Variants in SYNE1 observed in about 807,000 individuals in gnomAD.
SYNE1 encodes the protein nesprin-1.
SYNE1 carries 616 observed loss-of-function variants against 1,111.0 expected under a neutral mutation model. The observed-to-expected ratio is 0.55, with a 90% CI of 0.52 to 0.59. The LOEUF is 0.59. Among genes scored for constraint, SYNE1 ranks in the 20% least tolerant of loss-of-function variants. SYNE1 has a pLI of 0.00. For synonymous variants in SYNE1, 3,855 were observed against 3,825.8 expected (o/e 1.01, Z -0.28); for missense variants, 10,006 against 10,417.0 (o/e 0.96, Z 1.72).
intron 3 of SYNE1, among the ~76,000 whole-genome samples, chr6:152,586,655 TACACACAC>T (rs10530898): frequency 5.9e-4 from 88 of 149,476 alleles, no homozygotes; most frequent in African/African-American, 2.0e-3. Context: ...CATACTCTCA[TACACACAC>T]ACACACACAC....
chr6:152,396,141 G>A (rs1323247902), intron 50 of SYNE1, among the ~76,000 whole-genome samples: 2 of 152,210 alleles, frequency 1.3e-5, no homozygotes, highest in African/African-American at 2.4e-5. Context: ...TAGGGCAGTG[G>A]AGTCCCTGGG....
intron 4 of SYNE1, among the ~76,000 whole-genome samples, chr6:152,535,904 T>A (rs1159961877): frequency 6.6e-6 from 1 of 152,142 alleles, no homozygotes; most frequent in Non-Finnish European, 1.5e-5. Flanking sequence ...TTTAAATATA[T>A]TCATCGTAAC....
chr6:152,220,254 A>T (rs2079830013), intron 119 of SYNE1, among the ~76,000 whole-genome samples: 3 of 152,238 alleles, frequency 2.0e-5, no homozygotes, highest in Non-Finnish European at 4.4e-5. Context: ...CTTAAAAATA[A>T]AGACAAATAA....
At chr6:152,362,391 T>C in intron 63 of SYNE1, 68 bp from the exon 64 acceptor site, 1 of 1,603,190 alleles carries the variant, frequency 6.2e-7, no homozygotes, top group Non-Finnish European at 8.5e-7. Flanking sequence ...TGTCATTGTG[T>C]CTGCTCCATC....
chr6:152,419,773 G>T (rs2098224322), intron 39 of SYNE1, 51 bp from the exon 40 acceptor site: 1 of 1,594,754 alleles, frequency 6.3e-7, no homozygotes, highest in South Asian at 1.1e-5. Context: ...AAACAGAAAG[G>T]ATTAATGATG....
At chr6:152,594,257 C>T (rs376560634) in intron 3 of SYNE1, among the ~76,000 whole-genome samples, 1 of 152,066 alleles carries the variant, frequency 6.6e-6, no homozygotes, top group African/African-American at 2.4e-5. Context: ...GGACAGGGGA[C>T]ATAAGAGTGT....
At chr6:152,522,073 G>A (rs1251050584) in intron 5 of SYNE1, among the ~76,000 whole-genome samples, 1 of 138,570 alleles carries the variant, frequency 7.2e-6, no homozygotes, top group African/African-American at 2.5e-5. Context: ...TTAATTTCCT[G>A]TTCCATTTTT....
rs751822151 is a variant in SYNE1, at chr6:152,540,053, G to A, written c.68-32C>T. On this transcript the variant is annotated intron_variant, in intron 3 of 145. Coordinates refer to ENST00000367255, the MANE Select transcript of SYNE1 (RefSeq NM_182961.4). ...GGAAAAAGAAATCTGGTTAAATAAT[G>A]TAATATTTCATGAAGCTGTATAATG... 9.1e-5 allele frequency: 145 copies of A among 1,595,378 alleles called. No homozygotes were observed. In the South Asian group the frequency reaches 1.6e-3, roughly 17 times the overall value.
At position 152,208,214 on chromosome 6, in the gene SYNE1, A is replaced by G. The variant is rs1349463634; in HGVS notation, c.22590-8T>C. The G allele has an allele frequency of 1.2e-6, 2 of 1,612,174 alleles. No individual in the cohort carries two copies. Among genetic ancestry groups the G allele is most frequent in the African/African-American group, 1.3e-5 (1 of 74,872 alleles). ...TTCAGGTTGAATTCATCCCTAGTGAAGAAATAATTACATGGTAAAAAAGCA... is the reference window on the plus strand; with the variant it reads ...TTCAGGTTGAATTCATCCCTAGTGAGGAAATAATTACATGGTAAAAAAGCA... On this transcript the variant is annotated splice_polypyrimidine_tract_variant and splice_region_variant and intron_variant, in intron 124 of 145. Coordinates refer to ENST00000367255, the MANE Select transcript of SYNE1 (RefSeq NM_182961.4).
intron 145 of SYNE1, chr6:152,126,867 A>G (rs1372028557): frequency 6.6e-6 from 1 of 152,226 alleles, no homozygotes; most frequent in Non-Finnish European, 1.5e-5. Flanking sequence ...GGAAATGAAA[A>G]TGAGTTAATT....
rs558046278 is a variant in SYNE1 at position 152,136,793 on chromosome 6, C to T, written c.25484G>A (p.Arg8495His). Residue 8495 changes from arginine to histidine, a missense_variant, in exon 141 of 146, where the codon CGC (arginine) becomes CAC (histidine). Physicochemically the swap from Arg to His is conservative, Grantham distance 29. Transcript: ENST00000367255. ...LKELQKAVDH[R>H]KAIILSINLC... ...ATTGATGGAGAGGATGATGGCTTTG[C>T]GGTGGTCCACAGCTTTCTGGAGCTC... 383 of 1,614,060 alleles carry T rather than the reference C, an allele frequency of 2.4e-4. No individual in the cohort carries two copies. Among genetic ancestry groups the T allele is most frequent in the Non-Finnish European group, 3.0e-4 (359 of 1,180,056 alleles).
chr6:152,483,324 GTAAAGCATACA>G, intron 13 of SYNE1, 75 bp from the exon 14 acceptor site: 1 of 1,234,044 alleles, frequency 8.1e-7, no homozygotes, highest in Non-Finnish European at 1.2e-6. Flanking sequence ...CCAAATAATA[GTAAAGCATACA>G]TAAAGCTTTA....
At chr6:152,246,130 G>C (rs1449134248) in intron 105 of SYNE1, among the ~76,000 whole-genome samples, 2 of 152,254 alleles carry the variant, frequency 1.3e-5, no homozygotes, top group Middle Eastern at 3.4e-3. Flanking sequence ...GGTCCATAGA[G>C]ACCATCCTGC....
In SYNE1 at chr6:152,163,980, G is replaced by C. The variant is rs142347239; in HGVS notation, c.23790+183C>G. 1.5e-3 allele frequency among the ~76,000 whole-genome samples: 230 copies of C among 152,252 alleles called. 1 individual carries two copies. Among genetic ancestry groups the C allele is most frequent in the African/African-American group, 5.3e-3 (222 of 41,542 alleles). On this transcript the variant is annotated intron_variant, in intron 131 of 145. Transcript: ENST00000367255. ...AACCATCTTTGTAAGGCTGAACTCT[G>C]CAGTGACATGGAACCTGTTGGCCTC...
intron 8 of SYNE1, among the ~76,000 whole-genome samples, chr6:152,509,248 C>CTT (rs11305679): frequency 4.0e-5 from 3 of 75,772 alleles, no homozygotes; most frequent in Non-Finnish European, 5.3e-5. Flanking sequence ...TTTTCTTTTT[C>CTT]TTTTTTTTTT....
At chr6:152,502,823 CA>C in intron 9 of SYNE1, 81 bp from the exon 10 acceptor site, 1 of 1,113,940 alleles carries the variant, frequency 9.0e-7, no homozygotes, top group South Asian at 1.3e-5. Context: ...ATCTAGCTAT[CA>C]CACCAAAAAC....
chr6:152,149,405 C>A, intron 136 of SYNE1, 72 bp downstream of exon 136: 2 of 1,579,942 alleles, frequency 1.3e-6, no homozygotes, highest in Non-Finnish European at 1.7e-6. Flanking sequence ...CACCCACTAT[C>A]AATACAACCC....
rs34118755 is a variant in SYNE1 at position 152,310,130 on chromosome 6, A to G, written c.17020-113T>C. 0.2 allele frequency: 271,326 copies of G among 1,361,820 alleles called. 30,534 individuals carry two copies. The highest frequency in any genetic ancestry group is 0.25 in the African/African-American group (17,153 of 68,974). The allele number at this position is 1,361,820 out of a possible 1,614,324, so 84.4% of individuals were successfully genotyped here. On this transcript the variant is annotated intron_variant, in intron 89 of 145. Transcript: ENST00000367255. ...AGTTATAAACATTTTGCAAAAAAAA[A>G]AAAATGTTTAAAACAGTGTTGAGTT...
At chr6:152,419,896 T>C (rs898393146) in intron 39 of SYNE1, among the ~76,000 whole-genome samples, 174 bp from the exon 40 acceptor site, 2 of 152,232 alleles carry the variant, frequency 1.3e-5, no homozygotes, top group Non-Finnish European at 2.9e-5. Context: ...CAATCTTCCC[T>C]GTCTCAGTGA....
Sources: gnomAD v4.1 joint callset for allele counts (sites outside exome capture counted in the v4.1 genomes callset) on GRCh38, gnomAD v4.1.1 for gene constraint, MANE v1.5 for transcripts, NCBI Gene and HGNC (gene_info 2026-07-23, HGNC 2026-07-21) for gene names.